FRYL: variants seen among roughly 807,000 people sequenced by gnomAD.
FRYL encodes FRY like transcription coactivator.
In FRYL, 150 loss-of-function variants were observed where a neutral mutation model predicts 351.2. The observed-to-expected ratio is 0.43, with a 90% CI of 0.37 to 0.49. The LOEUF (loss-of-function observed/expected upper bound fraction) is 0.49, where lower values mean the gene tolerates loss of function less well. FRYL is among the 20% of genes least tolerant of loss of function. The pLI, the probability that FRYL is intolerant of heterozygous loss-of-function variation, is 0.00. For missense variants in FRYL, 3,036 were observed against 3,619.3 expected, an observed-to-expected ratio of 0.84 and a Z score of 4.13; for synonymous variants, 1,153 against 1,257.1, an observed-to-expected ratio of 0.92 and a Z score of 1.75.
chr4:48,777,170 T>A (rs1459686950), intron 1 of FRYL, among the ~76,000 whole-genome samples: 22 of 152,236 alleles, frequency 1.4e-4, no homozygotes, highest in Admixed American at 1.4e-3. Context: ...CAGATCTTAT[T>A]GACACATAAA....
intron 1 of FRYL, among the ~76,000 whole-genome samples, chr4:48,742,973 A>ATTTTTTT (rs71191256): frequency 3.7e-5 from 3 of 81,746 alleles, no homozygotes; most frequent in African/African-American, 8.9e-5. Flanking sequence ...CGCCTGGATA[A>ATTTTTTT]TTTTTTTTTT....
chr4:48,632,291 T>C (rs1211343273), intron 4 of FRYL, among the ~76,000 whole-genome samples: 1 of 149,744 alleles, frequency 6.7e-6, no homozygotes, highest in Non-Finnish European at 1.5e-5. Context: ...GTCCTAAGTG[T>C]TCATTATACC....
At chr4:48,699,497 A>C (rs552327016) in intron 2 of FRYL, among the ~76,000 whole-genome samples, 23 of 152,350 alleles carry the variant, frequency 1.5e-4, no homozygotes, top group African/African-American at 5.5e-4. Context: ...GAACAACTTC[A>C]TAAAGGAAAG....
chr4:48,726,817 T>C (rs916321594), intron 1 of FRYL, among the ~76,000 whole-genome samples: 2 of 152,232 alleles, frequency 1.3e-5, no homozygotes, highest in African/African-American at 4.8e-5. Flanking sequence ...CCCTGAAAGG[T>C]ACAAACTTGA....
At chr4:48,545,402 T>C (rs10805171) in intron 42 of FRYL, among the ~76,000 whole-genome samples, 150,368 of 152,254 alleles carry the variant, frequency 0.99, 74,276 homozygotes, top group East Asian at 1. Context: ...CCTGAGAACC[T>C]GCTACGCACT....
At chr4:48,744,871 T>C (rs919948600) in intron 1 of FRYL, among the ~76,000 whole-genome samples, 6 of 152,198 alleles carry the variant, frequency 3.9e-5, no homozygotes, top group East Asian at 3.8e-4. Context: ...ACTTAAGTGA[T>C]AGGCACTCAA....
chr4:48,779,631 T>G (rs1385493966), intron 1 of FRYL, among the ~76,000 whole-genome samples: 1 of 151,894 alleles, frequency 6.6e-6, no homozygotes, highest in East Asian at 1.9e-4. Context: ...CCTCCACCTC[T>G]GCCACCGCCT....
chr4:48,625,725 GA>G (rs2149338797), intron 4 of FRYL, among the ~76,000 whole-genome samples: 1 of 152,156 alleles, frequency 6.6e-6, no homozygotes, highest in East Asian at 1.9e-4. Context: ...ATCCCCCATG[GA>G]TACCAAAGGA....
intron 3 of FRYL, among the ~76,000 whole-genome samples, chr4:48,669,903 A>T (rs1407170295): frequency 6.6e-6 from 1 of 151,920 alleles, no homozygotes; most frequent in African/African-American, 2.4e-5. Context: ...AGCTTTTAAA[A>T]TAATTTTTTT....
intron 1 of FRYL, among the ~76,000 whole-genome samples, chr4:48,726,513 C>T (rs757649772): frequency 1.3e-5 from 2 of 152,096 alleles, no homozygotes; most frequent in Admixed American, 6.6e-5. Flanking sequence ...GAAACCCTGT[C>T]TCTACTAAAA....
intron 11 of FRYL, among the ~76,000 whole-genome samples, chr4:48,604,525 C>T (rs1036089391): frequency 1.3e-5 from 2 of 152,092 alleles, no homozygotes; most frequent in Non-Finnish European, 2.9e-5. Flanking sequence ...AAGGAGAATG[C>T]CATGTGACAA....
At chr4:48,500,581 G>A (rs1019921664) in intron 62 of FRYL, among the ~76,000 whole-genome samples, 1 of 151,898 alleles carries the variant, frequency 6.6e-6, no homozygotes, top group African/African-American at 2.4e-5. Context: ...ATTTACCCCA[G>A]GGTATTTTTA....
At chr4:48,657,266 G>C (rs1759401925) in intron 3 of FRYL, among the ~76,000 whole-genome samples, 1 of 151,822 alleles carries the variant, frequency 6.6e-6, no homozygotes, top group African/African-American at 2.4e-5. Flanking sequence ...AAACTCCTGG[G>C]ATCAAGCCAT....
At chr4:48,676,651 G>A (rs1469941655) in intron 3 of FRYL, among the ~76,000 whole-genome samples, 3 of 151,484 alleles carry the variant, frequency 2.0e-5, no homozygotes, top group African/African-American at 7.3e-5. Context: ...TCGGCCTCCC[G>A]AAGTTTTGGG....
intron 2 of FRYL, among the ~76,000 whole-genome samples, chr4:48,707,863 C>G (rs1210893472): frequency 6.6e-6 from 1 of 151,314 alleles, no homozygotes; most frequent in Non-Finnish European, 1.5e-5. Context: ...CTCTGTCTCC[C>G]AGGCTGGAGT....
chr4:48,742,825 G>T (rs1772245990), intron 1 of FRYL, among the ~76,000 whole-genome samples: 1 of 149,056 alleles, frequency 6.7e-6, no homozygotes, highest in Non-Finnish European at 1.5e-5. Context: ...TTGTTTTTTT[G>T]TTTTTTGTTT....
chr4:48,736,051 A>C (rs1338721930), intron 1 of FRYL, among the ~76,000 whole-genome samples: 1 of 152,004 alleles, frequency 6.6e-6, no homozygotes, highest in East Asian at 1.9e-4. Flanking sequence ...ACTAAAAATC[A>C]ATAACAGAGA....
intron 4 of FRYL, among the ~76,000 whole-genome samples, chr4:48,625,400 T>C (rs1751586558): frequency 6.6e-6 from 1 of 152,206 alleles, no homozygotes; most frequent in Non-Finnish European, 1.5e-5. Context: ...TCATGGTATA[T>C]TCTTATGCAG....
chr4:48,695,214 G>A (rs767218225), intron 2 of FRYL, among the ~76,000 whole-genome samples: 3 of 152,152 alleles, frequency 2.0e-5, no homozygotes, highest in Non-Finnish European at 2.9e-5. Context: ...AGAGCTCTGT[G>A]GTGCTGTAAG....
Sources: gnomAD v4.1 joint callset for allele counts (sites outside exome capture counted in the v4.1 genomes callset) on GRCh38, gnomAD v4.1.1 for gene constraint, MANE v1.5 for transcripts, NCBI Gene and HGNC (gene_info 2026-07-23, HGNC 2026-07-21) for gene names.